Variants in RFX1 observed in about 807,000 individuals in gnomAD.
RFX1 encodes the protein MHC class II regulatory factor RFX1.
Under a neutral mutation model 119.6 loss-of-function variants are expected in RFX1, and 42 were observed. The ratio of observed to expected loss-of-function variants is 0.35; its 90% CI spans 0.27 to 0.45. The LOEUF is 0.45. Ranked by LOEUF, RFX1 falls within the 20% of genes least tolerant of loss-of-function variation. RFX1 has a pLI of 1.00. For synonymous variants in RFX1, 628 were observed against 618.5 expected (o/e 1.02, Z -0.23); for missense variants, 1,118 against 1,368.1 (o/e 0.82, Z 2.88).
chr19:13,975,172 A>G (rs1183613664), intron 8 of RFX1, among the ~76,000 whole-genome samples: 3 of 151,994 alleles, frequency 2.0e-5, no homozygotes, highest in African/African-American at 7.2e-5. Context: ...CCTGGCCAAC[A>G]TGATGAAACC....
chr19:13,992,209 C>T (rs1974829575), intron 2 of RFX1, among the ~76,000 whole-genome samples: 1 of 152,118 alleles, frequency 6.6e-6, no homozygotes, highest in Non-Finnish European at 1.5e-5. Flanking sequence ...AAGGCTGAGG[C>T]AGGAGAATCA....
rs905859085 is a variant in RFX1 at position 13,993,758 on chromosome 19, G to A, written c.86C>T (p.Pro29Leu). 5.0e-6 allele frequency: 8 copies of A among 1,600,080 alleles called. No individual in the cohort carries two copies. Among genetic ancestry groups the A allele is most frequent in the Admixed American group, 1.7e-5 (1 of 58,146 alleles). ...PQAPPQAQPQPPPPPPPAAPQ... is the reference protein window; with the variant it reads ...PQAPPQAQPQLPPPPPPAAPQ... ...TGCCGCTGGGGGTGGTGGCGGTGGC[G>A]GCTGGGGCTGGGCTTGTGGCGGGGC... The change falls in exon 2 of 21, where the codon CCG (proline) becomes CTG (leucine). Residue 29 changes from proline (P) to leucine (L), a missense_variant. Pro to Leu is a moderately conservative substitution (Grantham distance 98). Coordinates refer to ENST00000254325, the MANE Select transcript of RFX1 (RefSeq NM_002918.5).
chr19:13,977,275 T>C (rs8101506), intron 8 of RFX1, among the ~76,000 whole-genome samples: 4,897 of 143,804 alleles, frequency 0.034, 271 homozygotes, highest in African/African-American at 0.12. Flanking sequence ...AGCCTGGCGA[T>C]AGAGCAAGAC....
At chr19:14,006,423 A>C (rs3810257), upstream of RFX1, 1 of 152,174 alleles carries the variant, frequency 6.6e-6, no homozygotes, top group Non-Finnish European at 1.5e-5. Flanking sequence ...CAGCTAAACT[A>C]TTAGTTCCGA....
At position 13,993,890 on chromosome 19, in the gene RFX1, T is replaced by A. The variant is rs749829072; in HGVS notation, c.-47A>T. On this transcript the variant is annotated 5_prime_UTR_variant, in exon 2 of 21. Coordinates refer to ENST00000254325, the MANE Select transcript of RFX1 (RefSeq NM_002918.5). The stretch of plus-strand genomic sequence containing the variant: ...AATAAATAAGGCTTTTTTTTTTTTT[T>A]AATTCCTTGGGAAGAAAGACGGGGA... The A allele has an allele frequency of 7.5e-6, 10 of 1,335,992 alleles. No individual in the cohort carries two copies. Among genetic ancestry groups the A allele is most frequent in the African/African-American group, 4.6e-5 (3 of 64,868 alleles). 82.8% of individuals were successfully genotyped at this position (1,335,992 alleles called of 1,614,324 possible).
chr19:13,988,628 G>A (rs1474241638), intron 2 of RFX1, among the ~76,000 whole-genome samples: 2 of 152,164 alleles, frequency 1.3e-5, no homozygotes, highest in African/African-American at 2.4e-5. Context: ...TCAGGCTGGT[G>A]CTCCTCAGTC....
Position 13,973,095 on chromosome 19 carries a change from G to A in RFX1, c.962C>T (p.Pro321Leu), listed in dbSNP as rs765922976. Residue 321 changes from proline to leucine, a missense_variant, in exon 9 of 21, where the codon CCG (proline) becomes CTG (leucine). Pro to Leu is a moderately conservative substitution (Grantham distance 98). Around this residue, in one of 5 missense-constraint regions of RFX1, gnomAD observed 542 missense variants for 602.7 expected, o/e 0.90. Coordinates refer to ENST00000254325, the MANE Select transcript of RFX1 (RefSeq NM_002918.5). ...GGTGCTTGCCGTCTGCGTGTACAGCGGCGTCTCGGGATAGGAGTAGGTGCT... is the reference window on the plus strand; with the variant it reads ...GGTGCTTGCCGTCTGCGTGTACAGCAGCGTCTCGGGATAGGAGTAGGTGCT... ...RSSTYSYPET[P>L]LYTQTASTSY... The A allele has an allele frequency of 1.5e-5, 24 of 1,600,454 alleles. 1 individual carries two copies. The highest frequency in any genetic ancestry group is 2.2e-5 in the South Asian group (2 of 91,064).
At position 13,989,535 on chromosome 19, in the gene RFX1, TAG is replaced by T. The variant is rs57906004; in HGVS notation, c.319+3988_319+3989del. On this transcript the variant is annotated intron_variant, in intron 2 of 20. Coordinates refer to ENST00000254325, the MANE Select transcript of RFX1 (RefSeq NM_002918.5). The stretch of plus-strand genomic sequence containing the variant: ...ACGGCGCCCACCACCACACCCAGCT[TAG>T]AGAGAGAGAGAGAGAGACAGACAGA... Among the ~76,000 whole-genome samples, 515 of 146,030 alleles carry T rather than the reference TAG, an allele frequency of 3.5e-3. 5 individuals carry two copies. Among genetic ancestry groups the T allele is most frequent in the African/African-American group, 0.011 (444 of 40,204 alleles).
At chr19:13,964,120 G>A in intron 16 of RFX1, 113 bp from the exon 17 acceptor site, 1 of 1,171,966 alleles carries the variant, frequency 8.5e-7, no homozygotes, top group Non-Finnish European at 1.2e-6. Context: ...AAAAAAGGAG[G>A]GATGTGCCTC....
intron 2 of RFX1, among the ~76,000 whole-genome samples, chr19:13,989,804 G>T (rs1266626101): frequency 6.6e-6 from 1 of 152,046 alleles, no homozygotes; most frequent in Admixed American, 6.6e-5. Context: ...CTGCTGGGAG[G>T]GGTCAGACTG....
chr19:13,966,683 C>G lies in RFX1; in HGVS notation c.1801G>C (p.Gly601Arg). 4.3e-6 allele frequency: 7 copies of G among 1,611,264 alleles called. No homozygotes were observed. The highest frequency in any genetic ancestry group is 5.9e-6 in the Non-Finnish European group (7 of 1,178,868). The change falls in exon 13 of 21, where the codon GGG becomes CGG. Residue 601 changes from glycine (G) to arginine (R), a missense_variant. Physicochemically the swap from Gly to Arg is moderately radical, Grantham distance 125 (BLOSUM62 -2). This residue lies in a region of RFX1 where 338 missense variants were observed against 508.9 expected (regional missense o/e 0.66). Transcript: ENST00000254325. The surrounding 1 kb of genome is among the most constrained non-coding windows in gnomAD (Gnocchi z 6.3). ...LQGKVLPEGV[G>R]PGDIKAFQVL... ...TGGAAGGCTTTGATGTCCCCGGGCC[C>G]GACGCCCTCAGGCAGCACCTTGCCC...
intron 5 of RFX1, 64 bp downstream of exon 5, chr19:13,982,057 G>A: frequency 2.6e-6 from 2 of 783,668 alleles, no homozygotes. Context: ...AATATACTAT[G>A]GGGATACATT....
In RFX1 at chr19:13,983,564, C is replaced by G; in HGVS notation, c.351G>C (p.Ser117=). The change falls in exon 3 of 21, where the codon TCG becomes TCC. Residue 117 remains serine (S), a synonymous_variant. Coordinates refer to ENST00000254325, the MANE Select transcript of RFX1 (RefSeq NM_002918.5). The part of the protein sequence containing the change: ...EGAMRASETV[S]EASPGSTASQ... ...TGGCGGTGGAGCCGGGGCTGGCCTC[C>G]GACACTGTCTCGCTGGCCCGCATGG... 1 of 1,610,012 alleles carries G rather than the reference C, an allele frequency of 6.2e-7. No homozygotes were observed. Among genetic ancestry groups the G allele is most frequent in the Non-Finnish European group, 8.5e-7 (1 of 1,179,266 alleles).
At chr19:13,975,839 G>A (rs79543695) in intron 8 of RFX1, among the ~76,000 whole-genome samples, 2,071 of 152,306 alleles carry the variant, frequency 0.014, 46 homozygotes, top group African/African-American at 0.047. Context: ...GCAAAGGGTC[G>A]GGAACTCGCA....
Position 13,966,763 on chromosome 19 carries a change from G to A in RFX1, c.1733-12C>T, listed in dbSNP as rs548225605. 1.3e-6 allele frequency: 2 copies of A among 1,576,748 alleles called. No homozygotes were observed. Among genetic ancestry groups the A allele is most frequent in the Non-Finnish European group, 1.7e-6 (2 of 1,154,796 alleles). On this transcript the variant is annotated splice_polypyrimidine_tract_variant and intron_variant, in intron 12 of 20. Coordinates refer to ENST00000254325, the MANE Select transcript of RFX1 (RefSeq NM_002918.5). The surrounding 1 kb of genome is among the most constrained non-coding windows in gnomAD (Gnocchi z 6.3). ...GCTCCGAGAGGCATCTAGGGGGCCG[G>A]GGGGAACCGTGAGGCCCTTCATCCC...
rs992155357 is a variant in RFX1 at position 13,986,570 on chromosome 19, G to T, written c.320-2975C>A. Among the ~76,000 whole-genome samples, 2 of 152,170 alleles carry T rather than the reference G, an allele frequency of 1.3e-5. No homozygotes were observed. The highest frequency in any genetic ancestry group is 2.9e-5 in the Non-Finnish European group (2 of 68,010). ...GGGAGGAGAAGCCAGGAGGGGAAGT[G>T]GGGGGTGGCACTGAGTCTGCGAGCG... On this transcript the variant is annotated intron_variant, in intron 2 of 20. Transcript: ENST00000254325. This position sits in a 1 kb window ranked among gnomAD's most constrained non-coding sequence, Gnocchi z 4.2.
Position 13,966,142 on chromosome 19 carries a change from G to A in RFX1, c.1961+279C>T, listed in dbSNP as rs1483039549. ...TTGGCACAGGCCCGAGGGGTGGGAC[G>A]GGATCCTATGCCCTACCCTCCATAC... On this transcript the variant is annotated intron_variant, in intron 14 of 20. Transcript: ENST00000254325. The surrounding 1 kb of genome is among the most constrained non-coding windows in gnomAD (Gnocchi z 6.3). 2.0e-5 allele frequency among the ~76,000 whole-genome samples: 3 copies of A among 152,120 alleles called. No homozygotes were observed. The highest frequency in any genetic ancestry group is 6.6e-5 in the Admixed American group (1 of 15,266).
chr19:13,997,220 C>T (rs927932446), intron 1 of RFX1, among the ~76,000 whole-genome samples: 8 of 152,184 alleles, frequency 5.3e-5, no homozygotes, highest in African/African-American at 1.7e-4. Flanking sequence ...CTCCCTCCCC[C>T]GGGATCCAGG....
At chr19:13,971,477 T>A (rs1290246179) in intron 9 of RFX1, among the ~76,000 whole-genome samples, 2 of 152,012 alleles carry the variant, frequency 1.3e-5, no homozygotes, top group African/African-American at 4.8e-5. Flanking sequence ...AATCCAGGGC[T>A]GCCCCAGGGA....
Sources: allele counts gnomAD v4.1 joint callset (sites outside exome capture counted in the v4.1 genomes callset), GRCh38; gene constraint gnomAD v4.1.1; regional missense constraint gnomAD v4.1.1; non-coding constraint Gnocchi (gnomAD v3.1); transcripts MANE v1.5; gene names NCBI Gene and HGNC (gene_info 2026-07-23, HGNC 2026-07-21).